Variants in DAB1 observed in about 807,000 individuals in gnomAD.
DAB1 encodes DAB adaptor protein 1, also known as disabled homolog 1.
A neutral mutation model predicts 64.6 loss-of-function variants in DAB1; 15 were observed. The observed-to-expected ratio is 0.23, with a 90% CI of 0.16 to 0.36. The LOEUF is 0.36. DAB1 is among the 10% of genes least tolerant of loss of function. The probability of loss-of-function intolerance (pLI) is 1.00; values close to 1 mark genes in which losing one functional copy is unlikely to be tolerated. For synonymous variants in DAB1, 235 were observed against 251.9 expected, an observed-to-expected ratio of 0.93 and a Z score of 0.64; for missense variants, 596 against 706.7, an observed-to-expected ratio of 0.84 and a Z score of 1.78.
At chr1:58,395,852 G>T (rs1644516681) in intron 3 of DAB1, among the ~76,000 whole-genome samples, 1 of 152,146 alleles carries the variant, frequency 6.6e-6, no homozygotes, top group African/African-American at 2.4e-5. Flanking sequence ...TCCATGCTGT[G>T]GGGGTCTAAG....
chr1:57,269,118 C>T (rs1035354004), intron 2 of DAB1, among the ~76,000 whole-genome samples: 6 of 152,188 alleles, frequency 3.9e-5, no homozygotes, highest in South Asian at 2.1e-4. Context: ...GAGCCACAAC[C>T]GGAAGTGGAG....
At chr1:58,109,050 C>T (rs1651826999) in intron 5 of DAB1, among the ~76,000 whole-genome samples, 1 of 152,194 alleles carries the variant, frequency 6.6e-6, no homozygotes, top group South Asian at 2.1e-4. Flanking sequence ...CCAGACACCA[C>T]CGAGCTTCCT....
chr1:58,415,350 C>T (rs1047913955), intron 3 of DAB1: 1 of 233,216 alleles, frequency 4.3e-6, no homozygotes, highest in Non-Finnish European at 7.1e-6. Context: ...CTTGTGCAGA[C>T]TAAGACACTT....
intron 4 of DAB1, among the ~76,000 whole-genome samples, chr1:58,266,554 A>G (rs1283031018): frequency 1.3e-5 from 2 of 152,210 alleles, no homozygotes; most frequent in African/African-American, 2.4e-5. Context: ...TAAAGATAGT[A>G]TTCCTGCCCT....
chr1:57,578,248 G>C (rs1645273332), intron 7 of DAB1, among the ~76,000 whole-genome samples: 1 of 152,196 alleles, frequency 6.6e-6, no homozygotes, highest in Admixed American at 6.5e-5. Flanking sequence ...AAACCAAGGA[G>C]CTTCTGGTAC....
At chr1:57,030,887 C>T (rs996692146) in intron 9 of DAB1, among the ~76,000 whole-genome samples, 9 of 152,208 alleles carry the variant, frequency 5.9e-5, no homozygotes, top group African/African-American at 2.2e-4. Flanking sequence ...GAGACTGCAA[C>T]TCTATGCTTT....
At chr1:57,176,495 A>G (rs1662329502) in intron 2 of DAB1, among the ~76,000 whole-genome samples, 2 of 152,072 alleles carry the variant, frequency 1.3e-5, no homozygotes, top group Non-Finnish European at 2.9e-5. Flanking sequence ...CCCATGACAC[A>G]TGGGAATTGT....
chr1:58,097,103 T>C (rs989801963), intron 5 of DAB1, among the ~76,000 whole-genome samples: 1 of 152,228 alleles, frequency 6.6e-6, no homozygotes, highest in African/African-American at 2.4e-5. Flanking sequence ...GAGAATTCAG[T>C]AGTAATTGAC....
At chr1:57,328,151 C>A (rs1253356420) in intron 1 of DAB1, among the ~76,000 whole-genome samples, 1 of 152,172 alleles carries the variant, frequency 6.6e-6, no homozygotes, top group Non-Finnish European at 1.5e-5. Flanking sequence ...TAGCATAAAG[C>A]AAATCCACCT....
intron 1 of DAB1, among the ~76,000 whole-genome samples, chr1:57,383,838 C>T (rs1321382577): frequency 1.3e-5 from 2 of 152,126 alleles, no homozygotes. Context: ...TTTCACAATA[C>T]TGAATTTAGC....
intron 5 of DAB1, among the ~76,000 whole-genome samples, chr1:58,070,545 T>A (rs889448820): frequency 1.6e-4 from 24 of 152,184 alleles, no homozygotes; most frequent in African/African-American, 5.6e-4. Flanking sequence ...ACCAGGAGCA[T>A]GATTTAGTTG....
At chr1:57,344,678 G>A (rs1457759230) in intron 1 of DAB1, among the ~76,000 whole-genome samples, 2 of 151,998 alleles carry the variant, frequency 1.3e-5, no homozygotes, top group Admixed American at 6.6e-5. Flanking sequence ...TGATACATCT[G>A]TGCTCGTGTG....
At chr1:58,160,538 G>C (rs1294240872) in intron 4 of DAB1, among the ~76,000 whole-genome samples, 1 of 152,050 alleles carries the variant, frequency 6.6e-6, no homozygotes, top group Non-Finnish European at 1.5e-5. Flanking sequence ...CAATTCCTAT[G>C]GGGAACAGCC....
Position 57,991,534 on chromosome 1 carries a change from A to T in DAB1, n.388-107372T>A, listed in dbSNP as rs951985215. The stretch of plus-strand genomic sequence containing the variant: ...CGAAGCACAGAAGCCATGGGAGGCC[A>T]GCCCAAAGGAGAGGCATAGGAGCAA... On this transcript the variant is annotated intron_variant and non_coding_transcript_variant, in intron 5 of 20. Coordinates refer to the DAB1 transcript ENST00000485760. Among the ~76,000 whole-genome samples, 22 of 152,260 alleles carry T rather than the reference A, an allele frequency of 1.4e-4. 1 individual carries two copies. Among genetic ancestry groups the T allele is most frequent in the African/African-American group, 5.3e-4 (22 of 41,568 alleles).
chr1:57,826,712 A>C (rs1039206293), intron 1 of DAB1, among the ~76,000 whole-genome samples: 1 of 152,218 alleles, frequency 6.6e-6, no homozygotes, highest in African/African-American at 2.4e-5. Flanking sequence ...CAGCAAGAGA[A>C]ATAAATGTCC....
intron 1 of DAB1, among the ~76,000 whole-genome samples, chr1:57,867,866 C>G (rs1232938884): frequency 6.6e-6 from 1 of 152,164 alleles, no homozygotes; most frequent in East Asian, 1.9e-4. Flanking sequence ...GAAGTCTCCT[C>G]ACAGCCACAA....
chr1:57,206,610 T>G (rs2100302863), intron 2 of DAB1, among the ~76,000 whole-genome samples: 1 of 152,346 alleles, frequency 6.6e-6, no homozygotes, highest in Admixed American at 6.5e-5. Context: ...GTTCTCTCTT[T>G]GCTCAAAAAC....
At chr1:58,420,713 C>T (rs542463519) in intron 3 of DAB1, among the ~76,000 whole-genome samples, 20 of 152,230 alleles carry the variant, frequency 1.3e-4, no homozygotes, top group Non-Finnish European at 4.4e-5. Context: ...TTTGCATGAT[C>T]CAGGCTTTGG....
chr1:58,003,781 T>C (rs1646540715), intron 5 of DAB1, among the ~76,000 whole-genome samples: 1 of 152,186 alleles, frequency 6.6e-6, no homozygotes, highest in Non-Finnish European at 1.5e-5. Flanking sequence ...GAGCACCTGT[T>C]GGCCTTGAAG....
Sources: gnomAD v4.1 joint callset for allele counts (sites outside exome capture counted in the v4.1 genomes callset) on GRCh38, gnomAD v4.1.1 for gene constraint, MANE v1.5 for transcripts, NCBI Gene and HGNC (gene_info 2026-07-23, HGNC 2026-07-21) for gene names.